HDAC4: variants seen among roughly 807,000 people sequenced by gnomAD.
HDAC4 encodes histone deacetylase 4.
Under a neutral mutation model 135.1 loss-of-function variants are expected in HDAC4, and 16 were observed. The observed-to-expected ratio is 0.12, with a 90% CI of 0.08 to 0.18. HDAC4 has a LOEUF of 0.18. Among genes scored for constraint, HDAC4 ranks in the 10% least tolerant of loss-of-function variants. The pLI is 1.00. For synonymous variants in HDAC4, 685 were observed against 653.4 expected (o/e 1.05, Z -0.74); for missense variants, 1,143 against 1,511.8 (o/e 0.76, Z 4.05).
intron 6 of HDAC4, among the ~76,000 whole-genome samples, chr2:239,159,436 T>C (rs2042643996): frequency 1.4e-5 from 1 of 70,608 alleles, no homozygotes; most frequent in African/African-American, 5.8e-5. Context: ...CATGCCTACC[T>C]CCCGCACTCA....
chr2:239,350,316 A>C (rs560423770), intron 2 of HDAC4, among the ~76,000 whole-genome samples: 2 of 152,304 alleles, frequency 1.3e-5, no homozygotes, highest in East Asian at 3.9e-4. Context: ...AATGGTTATT[A>C]ATGTAAAAAG....
chr2:239,054,680 G>A, intron 25 of HDAC4, 69 bp downstream of exon 25: 4 of 972,006 alleles, frequency 4.1e-6, no homozygotes, highest in Non-Finnish European at 6.7e-6. Context: ...TAGGGGGACA[G>A]GGATGGGGTG....
chr2:239,387,940 C>G (rs958887104), intron 1 of HDAC4, among the ~76,000 whole-genome samples: 1 of 152,184 alleles, frequency 6.6e-6, no homozygotes, highest in African/African-American at 2.4e-5. Context: ...CCCACCCCAC[C>G]GCTCTCGCTT....
chr2:239,248,966 TC>T (rs1233599041), intron 2 of HDAC4, among the ~76,000 whole-genome samples: 1 of 152,224 alleles, frequency 6.6e-6, no homozygotes, highest in Non-Finnish European at 1.5e-5. Context: ...ACCCCAAACT[TC>T]CACTGCTGAA....
chr2:239,112,472 C>T (rs577691484), intron 13 of HDAC4, among the ~76,000 whole-genome samples: 1 of 152,178 alleles, frequency 6.6e-6, no homozygotes, highest in African/African-American at 2.4e-5. Context: ...CTTCTGGGCA[C>T]CCAGGACCTT....
At chr2:239,314,512 G>A (rs1187413795) in intron 2 of HDAC4, among the ~76,000 whole-genome samples, 3 of 152,186 alleles carry the variant, frequency 2.0e-5, no homozygotes, top group Admixed American at 2.0e-4. Flanking sequence ...AAGGAAGAAA[G>A]GAGACAGATG....
chr2:239,329,063 C>T (rs1691375171), intron 2 of HDAC4, among the ~76,000 whole-genome samples: 1 of 152,242 alleles, frequency 6.6e-6, no homozygotes, highest in Admixed American at 6.5e-5. Context: ...CACCCAGGAC[C>T]CACAGGCAGA....
At chr2:239,085,041 G>GAC (rs139333488) in intron 19 of HDAC4, among the ~76,000 whole-genome samples, 1,399 of 138,852 alleles carry the variant, frequency 0.01, 11 homozygotes, top group African/African-American at 0.023. Flanking sequence ...GAGACAGACA[G>GAC]ACACACACAC....
rs146973541 is a variant in HDAC4, at chr2:239,203,398, A to G, written c.95-13321T>C. Among the ~76,000 whole-genome samples the G allele has an allele frequency of 4.6e-5, 7 of 152,330 alleles. No individual in the cohort carries two copies. In the East Asian group the frequency reaches 1.3e-3, roughly 29 times the overall value. On this transcript the variant is annotated intron_variant, in intron 3 of 26. Coordinates refer to ENST00000543185, the MANE Select transcript of HDAC4 (RefSeq NM_001378414.1). ...ACCGTGCTCAGATTTAGAAAATTCC[A>G]TTTTTTACTCTAACTAGAAGCCAAG...
chr2:239,253,115 T>C (rs2048873810), intron 2 of HDAC4, among the ~76,000 whole-genome samples: 1 of 152,220 alleles, frequency 6.6e-6, no homozygotes, highest in Non-Finnish European at 1.5e-5. Context: ...TCCTAAGATA[T>C]TAGAGTCTCG....
In HDAC4 at chr2:239,344,105, CAGT is replaced by C. The variant is rs541876474; in HGVS notation, c.22+8570_22+8572del. On this transcript the variant is annotated intron_variant, in intron 2 of 26. Coordinates refer to ENST00000543185, the MANE Select transcript of HDAC4 (RefSeq NM_001378414.1). ...TCAAGTAGAGCCAGACCTTTGATGGCAGTAGCTCCCGCCTCACACAGCCTGGCA... is the reference window on the plus strand; with the variant it reads ...TCAAGTAGAGCCAGACCTTTGATGGCAGCTCCCGCCTCACACAGCCTGGCA... Among the ~76,000 whole-genome samples the C allele has an allele frequency of 3.9e-4, 59 of 152,280 alleles. No homozygotes were observed. In the South Asian group the frequency reaches 0.012, roughly 30 times the overall value.
intron 1 of HDAC4, among the ~76,000 whole-genome samples, chr2:239,392,105 G>A (rs1427676808): frequency 6.6e-6 from 1 of 152,248 alleles, no homozygotes; most frequent in African/African-American, 2.4e-5. Context: ...GGGCAGGGGT[G>A]GGATGGCCCA....
intron 14 of HDAC4, among the ~76,000 whole-genome samples, chr2:239,109,129 A>T (rs2038433747): frequency 6.6e-6 from 1 of 152,192 alleles, no homozygotes; most frequent in African/African-American, 2.4e-5. Context: ...ACCTGGCAGG[A>T]GGGCTGCCCC....
rs970653548 is a variant in HDAC4 at position 239,097,624 on chromosome 2, C to T, written c.2234-2568G>A. ...CCATGCGGGGAAGCGGCCTGCACGCCGGACCCCTTTGGGAGGTGCTGGGGC... is the reference window on the plus strand; with the variant it reads ...CCATGCGGGGAAGCGGCCTGCACGCTGGACCCCTTTGGGAGGTGCTGGGGC... On this transcript the variant is annotated intron_variant, in intron 16 of 26. Transcript: ENST00000543185. 9.2e-5 allele frequency among the ~76,000 whole-genome samples: 14 copies of T among 152,238 alleles called. No individual in the cohort carries two copies. In the East Asian group the frequency reaches 9.6e-4, roughly 10 times the overall value.
chr2:239,285,105 A>C lies in HDAC4; in HGVS notation c.23-48441T>G, dbSNP rs535099116. ...CCCACACCTAGACAATCTACAGTCT[A>C]CCTTCATGGCAACCTGGAAGGCCAG... On this transcript the variant is annotated intron_variant, in intron 2 of 26. Transcript: ENST00000543185. This position sits in a 1 kb window ranked among gnomAD's most constrained non-coding sequence, Gnocchi z 4.5. 6.6e-6 allele frequency among the ~76,000 whole-genome samples: 1 copy of C among 152,356 alleles called. No homozygotes were observed.
chr2:239,137,228 C>T (rs2152892400), intron 9 of HDAC4, among the ~76,000 whole-genome samples: 1 of 152,362 alleles, frequency 6.6e-6, no homozygotes, highest in East Asian at 1.9e-4. Context: ...CGGGGCCGAG[C>T]CCTGCGGGAG....
At chr2:239,305,886 C>T (rs999669142) in intron 2 of HDAC4, among the ~76,000 whole-genome samples, 1 of 152,234 alleles carries the variant, frequency 6.6e-6, no homozygotes, top group Non-Finnish European at 1.5e-5. Context: ...GCTGCCGCTG[C>T]CCACACGGGC....
intron 2 of HDAC4, among the ~76,000 whole-genome samples, chr2:239,269,989 C>A (rs1225547385): frequency 7.2e-6 from 1 of 138,524 alleles, no homozygotes; most frequent in African/African-American, 2.9e-5. Context: ...TCCCCGCCCC[C>A]CAAAATGATG....
chr2:239,095,007 T>C lies in HDAC4; in HGVS notation c.2280+3A>G, dbSNP rs2036878739. ...ATTATTTACACATTAAAGGAACACT[T>C]ACCCCAACACCACCGCAAGGGAGCC... On this transcript the variant is annotated splice_donor_region_variant and intron_variant, in intron 17 of 26. Transcript: ENST00000543185. 1.2e-6 allele frequency: 2 copies of C among 1,613,780 alleles called. No individual in the cohort carries two copies. Among genetic ancestry groups the C allele is most frequent in the East Asian group, 4.5e-5 (2 of 44,870 alleles).
Sources: allele counts gnomAD v4.1 joint callset (sites outside exome capture counted in the v4.1 genomes callset), GRCh38; gene constraint gnomAD v4.1.1; non-coding constraint Gnocchi (gnomAD v3.1); transcripts MANE v1.5; gene names NCBI Gene and HGNC (gene_info 2026-07-23, HGNC 2026-07-21).